Variants in VSTM2A observed in about 807,000 individuals in gnomAD.
VSTM2A encodes V-set and transmembrane domain-containing protein 2A.
A neutral mutation model predicts 27.3 loss-of-function variants in VSTM2A; 13 were observed. That is an observed-to-expected ratio of 0.48 (90% CI 0.31 to 0.76). The LOEUF (loss-of-function observed/expected upper bound fraction) is 0.76. Ranked by LOEUF, VSTM2A falls within the 30% of genes least tolerant of loss-of-function variation. The pLI is 0.05. For missense variants in VSTM2A, 280 were observed against 310.0 expected, an observed-to-expected ratio of 0.90 and a Z score of 0.73; for synonymous variants, 142 against 125.7, an observed-to-expected ratio of 1.13 and a Z score of -0.87.
intron 4 of VSTM2A, chr7:54,557,039 G>C (rs1010769651): frequency 2.6e-5 from 4 of 152,198 alleles, no homozygotes; most frequent in Non-Finnish European, 5.9e-5. Context: ...TGCTAGAAAG[G>C]CTTCACTCTG....
chr7:54,560,582 A>C (rs1788526929), intron 4 of VSTM2A, among the ~76,000 whole-genome samples: 1 of 152,160 alleles, frequency 6.6e-6, no homozygotes, highest in South Asian at 2.1e-4. Context: ...AATGAGAATT[A>C]TGTTTTACTT....
At chr7:54,561,135 A>T (rs534884502) in intron 4 of VSTM2A, among the ~76,000 whole-genome samples, 5 of 152,224 alleles carry the variant, frequency 3.3e-5, no homozygotes, top group Non-Finnish European at 7.3e-5. Context: ...TAGAAAAAAA[A>T]AGTTTAGAAT....
intron 4 of VSTM2A, among the ~76,000 whole-genome samples, chr7:54,565,755 T>C (rs1232217728): frequency 6.6e-6 from 1 of 152,256 alleles, no homozygotes; most frequent in Non-Finnish European, 1.5e-5. Context: ...TGATTGTTTT[T>C]AATTTTGCTT....
Position 54,546,808 on chromosome 7 carries a change from G to A in VSTM2A, c.247-139G>A, listed in dbSNP as rs983882519. ...GCGGTGCGGTCTGGGCCTGGACAGG[G>A]GTGGCCACGCCCCTGGTCGCTCCCC... On this transcript the variant is annotated intron_variant, in intron 2 of 4. Transcript: ENST00000402613. 54 of 1,079,698 alleles carry A rather than the reference G, an allele frequency of 5.0e-5. No individual in the cohort carries two copies. The African/African-American group carries it at 7.5e-4, about 15-fold the overall frequency. The allele number at this position is 1,079,698 out of a possible 1,614,324, so 66.9% of individuals were successfully genotyped here. A position where few individuals can be genotyped will look rare whatever the true frequency, so the allele number is the denominator to read the frequency against.
chr7:54,549,467 C>T (rs1788109972), intron 3 of VSTM2A, among the ~76,000 whole-genome samples: 1 of 152,190 alleles, frequency 6.6e-6, no homozygotes, highest in Non-Finnish European at 1.5e-5. Context: ...GAGGTTGTTT[C>T]ACCTATAGAG....
chr7:54,566,251 T>C (rs1471907642), intron 4 of VSTM2A, among the ~76,000 whole-genome samples: 1 of 152,208 alleles, frequency 6.6e-6, no homozygotes, highest in Admixed American at 6.5e-5. Flanking sequence ...CTTCACATAA[T>C]TTAGATAATA....
chr7:54,555,090 TCTC>T (rs1364057663), intron 4 of VSTM2A, among the ~76,000 whole-genome samples: 2 of 152,212 alleles, frequency 1.3e-5, no homozygotes. Flanking sequence ...TTGAAAATGT[TCTC>T]ATCTCTTCTG....
At chr7:54,545,903 T>C (rs1472428196) in intron 2 of VSTM2A, among the ~76,000 whole-genome samples, 2 of 56,700 alleles carry the variant, frequency 3.5e-5, no homozygotes, top group South Asian at 8.7e-4. Context: ...GGAGAAAGAA[T>C]GGGGAGAGAG....
At position 54,546,969 on chromosome 7, in the gene VSTM2A, A is replaced by T. The variant is rs1295591124; in HGVS notation, c.269A>T (p.Asp90Val). The change falls in exon 3 of 5, where the codon GAC becomes GTC. Residue 90 changes from aspartate (D) to valine (V), a missense_variant. Asp to Val is a radical substitution (Grantham distance 152). Transcript: ENST00000402613. The stretch of plus-strand genomic sequence containing the variant: ...CAGGTGGAGCTCTTGCCCGACAGAG[A>T]CCCGGACAGCGACGGGACCAAGATC... ...GAQVELLPDR[D>V]PDSDGTKIST... 2 of 1,595,264 alleles carry T rather than the reference A, an allele frequency of 1.3e-6. No homozygotes were observed. Among genetic ancestry groups the T allele is most frequent in the Non-Finnish European group, 1.7e-6 (2 of 1,173,122 alleles).
rs139920795 is a variant in VSTM2A at position 54,552,712 on chromosome 7, C to A, written c.634+2542C>A. 2.4e-3 allele frequency among the ~76,000 whole-genome samples: 364 copies of A among 152,262 alleles called. 1 individual carries two copies. The highest frequency in any genetic ancestry group is 8.3e-3 in the African/African-American group (345 of 41,540). On this transcript the variant is annotated intron_variant, in intron 4 of 4. Transcript: ENST00000402613. ...TATCATCCATCTTTATTTCATTATT[C>A]TATGAAAGGCAAGATGTGGTGAAAG...
chr7:54,550,199 T>G, intron 4 of VSTM2A, 29 bp downstream of exon 4: 1 of 1,566,528 alleles, frequency 6.4e-7, no homozygotes, highest in Non-Finnish European at 8.6e-7. Context: ...AGCCTTTTAT[T>G]TTACCACTCA....
Position 54,570,812 on chromosome 7 carries a change from G to C in VSTM2A, c.*1593G>C, listed in dbSNP as rs954511891. On this transcript the variant is annotated 3_prime_UTR_variant, in exon 5 of 5. Coordinates refer to ENST00000402613, the MANE Select transcript of VSTM2A (RefSeq NM_001301009.2). ...CTCTCATTACAAAACCAGAAGATCA[G>C]CTATGTGGGGCCATCAGCTCCCAGC... The C allele has an allele frequency of 1.3e-5, 2 of 152,244 alleles. No individual in the cohort carries two copies. The highest frequency in any genetic ancestry group is 4.1e-4 in the South Asian group (2 of 4,828). 9.4% of individuals were successfully genotyped at this position (152,244 alleles called of 1,614,324 possible).
intron 4 of VSTM2A, among the ~76,000 whole-genome samples, chr7:54,565,715 G>A (rs967705658): frequency 2.0e-5 from 3 of 152,236 alleles, no homozygotes; most frequent in Admixed American, 6.5e-5. Context: ...GCCAGACTGC[G>A]AGGCTGCCAA....
intron 4 of VSTM2A, among the ~76,000 whole-genome samples, chr7:54,567,652 A>C (rs904420400): frequency 2.0e-5 from 3 of 152,232 alleles, no homozygotes; most frequent in Non-Finnish European, 4.4e-5. Context: ...TTATTTTACC[A>C]CGTTGTATTT....
At chr7:54,567,552 A>T (rs2115948832) in intron 4 of VSTM2A, among the ~76,000 whole-genome samples, 1 of 152,336 alleles carries the variant, frequency 6.6e-6, no homozygotes, top group Middle Eastern at 3.4e-3. Context: ...GACATAAATT[A>T]TGGTGCAGTT....
intron 4 of VSTM2A, chr7:54,550,908 C>T (rs996023021): frequency 6.6e-6 from 1 of 152,230 alleles, no homozygotes. Context: ...GAGCAGTACC[C>T]TGCACAACCC....
intron 4 of VSTM2A, among the ~76,000 whole-genome samples, chr7:54,555,742 CT>C (rs1425064159): frequency 6.6e-6 from 1 of 152,216 alleles, no homozygotes; most frequent in Non-Finnish European, 1.5e-5. Flanking sequence ...TGCAATTCCT[CT>C]ATGTGCCCTG....
intron 3 of VSTM2A, 40 bp downstream of exon 3, chr7:54,547,037 G>T (rs756231004): frequency 1.3e-6 from 2 of 1,553,652 alleles, no homozygotes; most frequent in East Asian, 2.5e-5. Flanking sequence ...GCCCAGGCTC[G>T]GGACGCACAG....
chr7:54,546,580 C>T (rs1787991052), intron 2 of VSTM2A: 1 of 187,864 alleles, frequency 5.3e-6, no homozygotes, highest in Non-Finnish European at 1.1e-5. Flanking sequence ...GCCCGCCCAC[C>T]CACCTCCGGG....
Sources: gnomAD v4.1 joint callset for allele counts (sites outside exome capture counted in the v4.1 genomes callset) on GRCh38, gnomAD v4.1.1 for gene constraint, MANE v1.5 for transcripts, NCBI Gene and HGNC (gene_info 2026-07-23, HGNC 2026-07-21) for gene names.